RORB: variants seen among roughly 807,000 people sequenced by gnomAD.
The protein encoded by RORB is RAR related orphan receptor B, also known as nuclear receptor ROR-beta.
A neutral mutation model predicts 59.1 loss-of-function variants in RORB; 6 were observed. That is an observed-to-expected ratio of 0.10 (90% CI 0.06 to 0.20). RORB has a LOEUF of 0.20. Among genes scored for constraint, RORB ranks in the 10% least tolerant of loss-of-function variants. RORB has a pLI of 1.00. For missense variants in RORB, 320 were observed against 560.5 expected, an observed-to-expected ratio of 0.57 and a Z score of 4.33; for synonymous variants, 215 against 204.5, an observed-to-expected ratio of 1.05 and a Z score of -0.44.
intron 1 of RORB, among the ~76,000 whole-genome samples, chr9:74,522,899 C>T (rs1826103227): frequency 6.6e-6 from 1 of 151,782 alleles, no homozygotes; most frequent in African/African-American, 2.4e-5. Context: ...ATGTGAGCAC[C>T]TCTTTTCTTA....
intron 1 of RORB, among the ~76,000 whole-genome samples, chr9:74,538,407 C>T (rs1198858257): frequency 2.0e-5 from 3 of 151,926 alleles, no homozygotes; most frequent in Non-Finnish European, 2.9e-5. Context: ...TGTTCACCAC[C>T]TCAGTTAAAA....
In RORB at chr9:74,546,330, T is replaced by C. The variant is rs187862729; in HGVS notation, c.7+48347T>C. 9.0e-4 allele frequency among the ~76,000 whole-genome samples: 137 copies of C among 152,166 alleles called. 1 individual carries two copies. Among genetic ancestry groups the C allele is most frequent in the African/African-American group, 3.2e-3 (132 of 41,498 alleles). On this transcript the variant is annotated intron_variant, in intron 1 of 9. Coordinates refer to ENST00000376896, the MANE Select transcript of RORB (RefSeq NM_006914.4). ...TTGCTGAAGCAGCTGATATCTCTGA[T>C]AAATTATATAGTAAGAAAAGAGATC...
rs530420862 is a variant in RORB at position 74,569,300 on chromosome 9, C to T, written c.8-60982C>T. ...TTAGTTTTTATGAATACATGAGATGCTTTTTTTAACTCTGCTGTTAAGAAG... is the reference window on the plus strand; with the variant it reads ...TTAGTTTTTATGAATACATGAGATGTTTTTTTTAACTCTGCTGTTAAGAAG... On this transcript the variant is annotated intron_variant, in intron 1 of 9. Coordinates refer to ENST00000376896, the MANE Select transcript of RORB (RefSeq NM_006914.4). 2.0e-5 allele frequency among the ~76,000 whole-genome samples: 3 copies of T among 151,874 alleles called. No homozygotes were observed. In the South Asian group the frequency reaches 6.2e-4, roughly 32 times the overall value.
At chr9:74,498,985 C>T (rs537959822) in intron 1 of RORB, 1 of 152,762 alleles carries the variant, frequency 6.5e-6, no homozygotes, top group Non-Finnish European at 1.5e-5. Flanking sequence ...TTGCCGGAGA[C>T]CTCAGGTTTC....
chr9:74,604,317 A>G (rs549023083), intron 1 of RORB, among the ~76,000 whole-genome samples: 1 of 152,352 alleles, frequency 6.6e-6, no homozygotes, highest in Admixed American at 6.5e-5. Context: ...TCAGAAAATC[A>G]GAATAAGCAC....
intron 9 of RORB, among the ~76,000 whole-genome samples, chr9:74,676,752 G>A (rs561905473): frequency 5.9e-5 from 9 of 152,256 alleles, no homozygotes; most frequent in Middle Eastern, 3.4e-3. Flanking sequence ...GTTATATCCC[G>A]TCCCCCGCGG....
At chr9:74,510,056 A>T (rs546945053) in intron 1 of RORB, among the ~76,000 whole-genome samples, 17 of 152,124 alleles carry the variant, frequency 1.1e-4, no homozygotes, top group Non-Finnish European at 2.5e-4. Context: ...TTATTAGTCT[A>T]CTGTTAGTGA....
At chr9:74,659,359 C>T (rs1300143945) in intron 4 of RORB, among the ~76,000 whole-genome samples, 2 of 152,182 alleles carry the variant, frequency 1.3e-5, no homozygotes, top group Non-Finnish European at 2.9e-5. Context: ...ACAGAACTTA[C>T]ATTTGAAATG....
rs531983381 is a variant in RORB, at chr9:74,686,638, A to C, written c.*1020A>C. The C allele has an allele frequency of 5.3e-5, 8 of 152,268 alleles. No individual in the cohort carries two copies. Among genetic ancestry groups the C allele is most frequent in the Non-Finnish European group, 8.8e-5 (6 of 68,018 alleles). The allele number at this position is 152,268 out of a possible 1,614,324, so 9.4% of individuals were successfully genotyped here. Reference sequence around the variant, plus strand: ...AATCTGTGGATTATGACTACCAGCAATTTTTTTCTAGGAAAGTTAAAAGAA... The same window carrying C: ...AATCTGTGGATTATGACTACCAGCACTTTTTTTCTAGGAAAGTTAAAAGAA... On this transcript the variant is annotated 3_prime_UTR_variant, in exon 10 of 10. Coordinates refer to ENST00000376896, the MANE Select transcript of RORB (RefSeq NM_006914.4).
intron 4 of RORB, among the ~76,000 whole-genome samples, chr9:74,652,524 A>G (rs911166061): frequency 3.2e-4 from 48 of 152,110 alleles, no homozygotes; most frequent in African/African-American, 1.1e-3. Flanking sequence ...CATTAATCTG[A>G]TTTTTTAATT....
chr9:74,518,355 A>G (rs1276866522), intron 1 of RORB, among the ~76,000 whole-genome samples: 1 of 152,034 alleles, frequency 6.6e-6, no homozygotes, highest in East Asian at 1.9e-4. Context: ...AATTGCCACC[A>G]ATGACCACAC....
intron 1 of RORB, among the ~76,000 whole-genome samples, chr9:74,608,846 T>G (rs1823189857): frequency 6.6e-6 from 1 of 152,198 alleles, no homozygotes; most frequent in Admixed American, 6.6e-5. Context: ...TGTAAATAGA[T>G]TAACCCATTC....
At chr9:74,623,625 A>C (rs1823460081) in intron 1 of RORB, among the ~76,000 whole-genome samples, 1 of 152,098 alleles carries the variant, frequency 6.6e-6, no homozygotes, top group African/African-American at 2.4e-5. Context: ...TGCTTCTCAA[A>C]CTCGAATGCT....
chr9:74,539,147 A>G (rs1447464835), intron 1 of RORB, among the ~76,000 whole-genome samples: 1 of 152,214 alleles, frequency 6.6e-6, no homozygotes, highest in East Asian at 1.9e-4. Flanking sequence ...CAAACACTGT[A>G]GAATGGTATT....
At chr9:74,586,002 GC>G (rs1360443384) in intron 1 of RORB, among the ~76,000 whole-genome samples, 1 of 151,752 alleles carries the variant, frequency 6.6e-6, no homozygotes, top group African/African-American at 2.4e-5. Context: ...CACCGTGTTA[GC>G]CAGGATGGTC....
intron 1 of RORB, among the ~76,000 whole-genome samples, chr9:74,555,982 G>C (rs1412776315): frequency 6.6e-6 from 1 of 152,160 alleles, no homozygotes; most frequent in Non-Finnish European, 1.5e-5. Flanking sequence ...AATTAATTGA[G>C]TCATAAAATA....
chr9:74,580,442 A>G (rs1326560642), intron 1 of RORB, among the ~76,000 whole-genome samples: 1 of 152,146 alleles, frequency 6.6e-6, no homozygotes, highest in Non-Finnish European at 1.5e-5. Context: ...GGGATCCAGA[A>G]TCATCTTTCC....
At chr9:74,670,251 C>T (rs1824326365) in intron 8 of RORB, among the ~76,000 whole-genome samples, 1 of 152,138 alleles carries the variant, frequency 6.6e-6, no homozygotes, top group Non-Finnish European at 1.5e-5. Flanking sequence ...TAAACCTAAG[C>T]TGGTGAATCT....
chr9:74,586,766 G>A (rs1822807054), intron 1 of RORB, among the ~76,000 whole-genome samples: 1 of 152,166 alleles, frequency 6.6e-6, no homozygotes, highest in Non-Finnish European at 1.5e-5. Flanking sequence ...GTATTTGAAT[G>A]TAGAGTAGAA....
Sources: gnomAD v4.1 joint callset for allele counts (sites outside exome capture counted in the v4.1 genomes callset) on GRCh38, gnomAD v4.1.1 for gene constraint, MANE v1.5 for transcripts, NCBI Gene and HGNC (gene_info 2026-07-23, HGNC 2026-07-21) for gene names.